Variants in DHRSX observed in about 807,000 individuals in gnomAD.
DHRSX encodes polyprenol dehydrogenase.
DHRSX carries 31 observed loss-of-function variants against 34.0 expected under a neutral mutation model. The observed-to-expected ratio is 0.91, with a 90% CI of 0.69 to 1.23. DHRSX has a LOEUF of 1.23. DHRSX is among the 50% of genes most tolerant of loss of function. DHRSX has a pLI of 0.00. For missense variants in DHRSX, 414 were observed against 428.1 expected, an observed-to-expected ratio of 0.97 and a Z score of 0.29; for synonymous variants, 201 against 183.8, an observed-to-expected ratio of 1.09 and a Z score of -0.76.
chrX:2,421,673 G>A (rs1224332222), intron 2 of DHRSX, among the ~76,000 whole-genome samples: 1 of 152,118 alleles, frequency 6.6e-6, no homozygotes, highest in Admixed American at 6.6e-5. Flanking sequence ...ACAGAGGTGT[G>A]GGCAGCAGCC....
intron 1 of DHRSX, among the ~76,000 whole-genome samples, chrX:2,468,885 T>C (rs1035957480): frequency 6.7e-6 from 1 of 148,728 alleles, no homozygotes; most frequent in South Asian, 2.1e-4. Flanking sequence ...CTGAAGAAGT[T>C]CCCTAGCAAT....
At chrX:2,360,462 A>G (rs1187709320) in intron 3 of DHRSX, among the ~76,000 whole-genome samples, 3 of 152,110 alleles carry the variant, frequency 2.0e-5, no homozygotes, top group Non-Finnish European at 4.4e-5. Flanking sequence ...GCGTGCCTGT[A>G]ATCCCAGCTA....
At chrX:2,317,272 G>T (rs2042252208) in intron 3 of DHRSX, among the ~76,000 whole-genome samples, 1 of 15,664 alleles carries the variant, frequency 6.4e-5, no homozygotes, top group Non-Finnish European at 1.4e-4. Context: ...TTTTTTTTGA[G>T]ACAGAGTCTT....
chrX:2,335,899 T>C (rs1373909622), intron 3 of DHRSX, among the ~76,000 whole-genome samples: 10 of 152,138 alleles, frequency 6.6e-5, no homozygotes, highest in Non-Finnish European at 1.3e-4. Flanking sequence ...CTTCCATCTT[T>C]CATGAACTTA....
intron 3 of DHRSX, among the ~76,000 whole-genome samples, chrX:2,345,655 CAAAA>C (rs71309483): frequency 8.4e-6 from 1 of 118,526 alleles, no homozygotes; most frequent in Non-Finnish European, 1.7e-5. Flanking sequence ...AACTCTGTCT[CAAAA>C]AAAAAAAAAA....
chrX:2,423,066 G>T (rs2043800553), intron 2 of DHRSX, among the ~76,000 whole-genome samples: 1 of 150,230 alleles, frequency 6.7e-6, no homozygotes, highest in African/African-American at 2.4e-5. Context: ...ACCTCCCAAA[G>T]TGCTGGGATT....
chrX:2,494,639 T>A (rs370131395), intron 1 of DHRSX, among the ~76,000 whole-genome samples: 1 of 151,876 alleles, frequency 6.6e-6, no homozygotes, highest in East Asian at 1.9e-4. Flanking sequence ...TTATCATTAT[T>A]ATTATTATTT....
intron 3 of DHRSX, among the ~76,000 whole-genome samples, chrX:2,296,978 C>CAGGAATAGGACCCAGGCAGAT (rs1273531017): frequency 3.4e-5 from 3 of 88,672 alleles, no homozygotes; most frequent in African/African-American, 2.7e-4. Flanking sequence ...CCCAGGCAGA[C>CAGGAATAGGACCCAGGCAGAT]AGGAATAGGA....
intron 5 of DHRSX, among the ~76,000 whole-genome samples, chrX:2,243,790 T>TTTTTTTTTTTTTTTTTTTTTTTG (rs2016205382): frequency 3.8e-5 from 1 of 26,082 alleles, no homozygotes; most frequent in Non-Finnish European, 7.0e-5. Flanking sequence ...TGCTCCCTGT[T>TTTTTTTTTTTTTTTTTTTTTTTG]TTTTTTTTTT....
intron 1 of DHRSX, among the ~76,000 whole-genome samples, chrX:2,481,062 GTTAA>G (rs1400124876): frequency 2.0e-5 from 3 of 152,082 alleles, no homozygotes; most frequent in Non-Finnish European, 4.4e-5. Context: ...ATGTTAATGT[GTTAA>G]TTAGCTTGAT....
chrX:2,481,775 G>C, intron 1 of DHRSX, among the ~76,000 whole-genome samples: 1 of 152,174 alleles, frequency 6.6e-6, no homozygotes, highest in Middle Eastern at 3.4e-3. Flanking sequence ...ATTACTCGGA[G>C]GGCTGGGCCT....
chrX:2,327,896 C>T (rs182345075), intron 3 of DHRSX, among the ~76,000 whole-genome samples: 9 of 151,924 alleles, frequency 5.9e-5, no homozygotes, highest in East Asian at 1.9e-4. Context: ...CTGGCTAACA[C>T]GGTGAAACTC....
intron 6 of DHRSX, among the ~76,000 whole-genome samples, chrX:2,234,801 C>T (rs1454786212): frequency 1.3e-5 from 2 of 152,218 alleles, no homozygotes. Context: ...GTCTCTACCT[C>T]CCATGTTCAA....
At chrX:2,267,269 G>A (rs2041487744) in intron 4 of DHRSX, among the ~76,000 whole-genome samples, 1 of 152,090 alleles carries the variant, frequency 6.6e-6, no homozygotes. Flanking sequence ...ATCACCTGAG[G>A]TCAGAAGTTC....
intron 1 of DHRSX, among the ~76,000 whole-genome samples, chrX:2,460,049 A>G (rs2044381294): frequency 6.6e-6 from 1 of 152,148 alleles, no homozygotes; most frequent in African/African-American, 2.4e-5. Context: ...TGGAGGTTGC[A>G]GTGAGCCGAG....
At chrX:2,481,998 G>A (rs2044780182) in intron 1 of DHRSX, among the ~76,000 whole-genome samples, 1 of 151,652 alleles carries the variant, frequency 6.6e-6, no homozygotes, top group Non-Finnish European at 1.5e-5. Context: ...AGTCGCCCAG[G>A]CTATTGCCCA....
intron 1 of DHRSX, among the ~76,000 whole-genome samples, chrX:2,436,986 T>G (rs1308811570): frequency 6.6e-6 from 1 of 152,006 alleles, no homozygotes; most frequent in Non-Finnish European, 1.5e-5. Context: ...ATGTTTGGTA[T>G]ACACTGCCTT....
intron 3 of DHRSX, among the ~76,000 whole-genome samples, chrX:2,336,141 G>A (rs965814648): frequency 1.6e-4 from 25 of 151,952 alleles, no homozygotes; most frequent in Middle Eastern, 3.4e-3. Context: ...CCAAGTAGCT[G>A]GGACTACAGG....
intron 6 of DHRSX, among the ~76,000 whole-genome samples, chrX:2,223,770 A>G (rs2015574071): frequency 6.6e-6 from 1 of 152,158 alleles, no homozygotes; most frequent in African/African-American, 2.4e-5. Flanking sequence ...CCCAATTTCC[A>G]GGCAGGATCT....
Sources: gnomAD v4.1 joint callset for allele counts (sites outside exome capture counted in the v4.1 genomes callset) on GRCh38, gnomAD v4.1.1 for gene constraint, MANE v1.5 for transcripts, NCBI Gene and HGNC (gene_info 2026-07-23, HGNC 2026-07-21) for gene names.